RBFOX1: variants seen among roughly 807,000 people sequenced by gnomAD.
RBFOX1 encodes the protein RNA binding protein fox-1 homolog 1.
A neutral mutation model predicts 57.7 loss-of-function variants in RBFOX1; 8 were observed. That is an observed-to-expected ratio of 0.14 (90% CI 0.08 to 0.25). The LOEUF is 0.25. Among genes scored for constraint, RBFOX1 ranks in the 10% least tolerant of loss-of-function variants. The probability of loss-of-function intolerance (pLI) is 1.00; values close to 1 mark genes in which losing one functional copy is unlikely to be tolerated. For missense variants in RBFOX1, 611 were observed against 548.5 expected, an observed-to-expected ratio of 1.11 and a Z score of -1.14; for synonymous variants, 326 against 222.4, an observed-to-expected ratio of 1.47 and a Z score of -4.15.
intron 4 of RBFOX1, among the ~76,000 whole-genome samples, chr16:7,431,048 T>G (rs1304189308): frequency 6.6e-6 from 1 of 152,198 alleles, no homozygotes; most frequent in Non-Finnish European, 1.5e-5. Context: ...CCTGGTCCTC[T>G]GGCTTTCTAC....
intron 1 of RBFOX1, among the ~76,000 whole-genome samples, chr16:6,189,212 A>G (rs2097126774): frequency 6.6e-6 from 1 of 152,236 alleles, no homozygotes; most frequent in Non-Finnish European, 1.5e-5. Flanking sequence ...CAAATGTTAC[A>G]ACATCAAACA....
chr16:6,462,705 GC>G (rs2094948908), intron 2 of RBFOX1, among the ~76,000 whole-genome samples: 1 of 96,478 alleles, frequency 1.0e-5, no homozygotes, highest in South Asian at 3.8e-4. Context: ...ACCCCCCACC[GC>G]CCCCCACACA....
chr16:7,658,653 G>A (rs1428120334), intron 12 of RBFOX1, among the ~76,000 whole-genome samples: 2 of 152,128 alleles, frequency 1.3e-5, no homozygotes, highest in African/African-American at 4.8e-5. Flanking sequence ...CTCCCTCAAA[G>A]AGGAACTCGA....
intron 1 of RBFOX1, among the ~76,000 whole-genome samples, chr16:5,450,003 C>G (rs1209410190): frequency 1.3e-5 from 2 of 152,158 alleles, no homozygotes; most frequent in Non-Finnish European, 2.9e-5. Context: ...ATAATAGCAC[C>G]TATCATTTGC....
intron 2 of RBFOX1, among the ~76,000 whole-genome samples, chr16:6,633,743 T>C (rs1471281971): frequency 6.6e-6 from 1 of 152,154 alleles, no homozygotes; most frequent in Non-Finnish European, 1.5e-5. Context: ...GCGCTGTAGC[T>C]CATGCCTGTA....
chr16:5,675,488 C>T (rs912005932), intron 3 of RBFOX1, among the ~76,000 whole-genome samples: 6 of 152,186 alleles, frequency 3.9e-5, no homozygotes, highest in African/African-American at 1.4e-4. Context: ...AAGACAATTG[C>T]TCCCCAAACA....
chr16:6,576,096 T>G (rs1017017354), intron 2 of RBFOX1, among the ~76,000 whole-genome samples: 5 of 152,164 alleles, frequency 3.3e-5, no homozygotes, highest in African/African-American at 1.2e-4. Context: ...ACCGCATTGT[T>G]TATTGTTGTG....
intron 4 of RBFOX1, among the ~76,000 whole-genome samples, chr16:7,482,131 T>A (rs1599575874): frequency 6.6e-6 from 1 of 152,196 alleles, no homozygotes; most frequent in African/African-American, 2.4e-5. Flanking sequence ...TGCTCTATAG[T>A]CATAACAATA....
At chr16:6,465,687 T>C (rs2095032706) in intron 2 of RBFOX1, among the ~76,000 whole-genome samples, 1 of 151,254 alleles carries the variant, frequency 6.6e-6, no homozygotes, top group African/African-American at 2.4e-5. Flanking sequence ...TGCATATTTG[T>C]TTCTGTATTG....
chr16:7,335,224 C>T (rs147206471), intron 4 of RBFOX1, among the ~76,000 whole-genome samples: 106 of 152,336 alleles, frequency 7.0e-4, no homozygotes, highest in African/African-American at 2.5e-3. Context: ...TTGCTGCAGA[C>T]TCCACTTGCT....
chr16:5,793,806 T>C (rs946858925), intron 3 of RBFOX1, among the ~76,000 whole-genome samples: 6 of 152,148 alleles, frequency 3.9e-5, no homozygotes, highest in Non-Finnish European at 8.8e-5. Context: ...TGAGTGTGCA[T>C]TGCATGCGTG....
At chr16:6,941,067 G>A (rs541295934) in intron 3 of RBFOX1, among the ~76,000 whole-genome samples, 5 of 152,098 alleles carry the variant, frequency 3.3e-5, no homozygotes, top group South Asian at 2.1e-4. Context: ...TAAGTGTGGA[G>A]GGAGAAATGG....
intron 4 of RBFOX1, among the ~76,000 whole-genome samples, chr16:5,993,896 A>G (rs1237236854): frequency 6.6e-6 from 1 of 152,146 alleles, no homozygotes; most frequent in African/African-American, 2.4e-5. Context: ...TTATTTAGTG[A>G]AGCAGGTCCC....
intron 4 of RBFOX1, among the ~76,000 whole-genome samples, chr16:7,427,017 G>T (rs878910707): frequency 6.6e-6 from 1 of 152,204 alleles, no homozygotes; most frequent in African/African-American, 2.4e-5. Context: ...TGAAAGGACA[G>T]AAAACCAAAC....
chr16:7,498,216 G>C (rs1471951051), intron 4 of RBFOX1, among the ~76,000 whole-genome samples: 2 of 152,124 alleles, frequency 1.3e-5, no homozygotes, highest in Non-Finnish European at 2.9e-5. Context: ...ATCTCCATAA[G>C]TCCATTTCAA....
chr16:5,467,984 G>C (rs970533048), intron 2 of RBFOX1, among the ~76,000 whole-genome samples: 4 of 152,150 alleles, frequency 2.6e-5, no homozygotes, highest in Non-Finnish European at 5.9e-5. Context: ...GAGTGGATTG[G>C]GGATGGTTTA....
chr16:6,656,599 GACACACACACACACACAC>G (rs60723864), intron 3 of RBFOX1, among the ~76,000 whole-genome samples: 1 of 146,312 alleles, frequency 6.8e-6, no homozygotes, highest in Admixed American at 6.9e-5. Flanking sequence ...GGGGAAAATA[GACACACACACACACACAC>G]ACACACACAC....
In RBFOX1 at chr16:7,444,541, C is replaced by CT. The variant is rs1001607640; in HGVS notation, c.28-73597dup. On this transcript the variant is annotated intron_variant, in intron 4 of 15. Transcript: ENST00000550418. ...CTGGGTTCTGATTGGCTTGGGTAGC[C>CT]TTTTTTTTTGAGACAGGGTTTTGCT... 1.1e-3 allele frequency among the ~76,000 whole-genome samples: 165 copies of CT among 150,838 alleles called. 3 individuals are homozygous for CT. The highest frequency in any genetic ancestry group is 7.0e-3 in the East Asian group (36 of 5,124).
chr16:7,537,387 G>T (rs566104144), intron 5 of RBFOX1, among the ~76,000 whole-genome samples: 2 of 152,206 alleles, frequency 1.3e-5, no homozygotes, highest in Non-Finnish European at 2.9e-5. Context: ...CATTGAGGAT[G>T]TGATGATGCT....
Sources: allele counts gnomAD v4.1 joint callset (sites outside exome capture counted in the v4.1 genomes callset), GRCh38; gene constraint gnomAD v4.1.1; transcripts MANE v1.5; gene names NCBI Gene and HGNC (gene_info 2026-07-23, HGNC 2026-07-21).